NRXN3: variants seen among roughly 807,000 people sequenced by gnomAD.
NRXN3 encodes neurexin III.
A neutral mutation model predicts 137.6 loss-of-function variants in NRXN3; 32 were observed. The observed-to-expected ratio is 0.23, with a 90% CI of 0.18 to 0.31. The LOEUF (loss-of-function observed/expected upper bound fraction) is 0.31, where lower values mean the gene tolerates loss of function less well. Among genes scored for constraint, NRXN3 ranks in the 10% least tolerant of loss-of-function variants. The pLI is 1.00. For synonymous variants in NRXN3, 798 were observed against 784.5 expected (o/e 1.02, Z -0.29); for missense variants, 1,574 against 2,062.5 (o/e 0.76, Z 4.59).
At chr14:78,617,195 G>A (rs1415821659) in intron 4 of NRXN3, among the ~76,000 whole-genome samples, 1 of 152,092 alleles carries the variant, frequency 6.6e-6, no homozygotes, top group Non-Finnish European at 1.5e-5. Flanking sequence ...TGCTACAAAT[G>A]GCAGCTAACT....
chr14:79,748,896 T>C (rs1389428434), intron 19 of NRXN3, among the ~76,000 whole-genome samples: 1 of 151,712 alleles, frequency 6.6e-6, no homozygotes, highest in South Asian at 2.1e-4. Flanking sequence ...AACATTGTGA[T>C]TGTGGCAGAT....
At chr14:79,080,700 G>C (rs1002890831) in intron 15 of NRXN3, among the ~76,000 whole-genome samples, 2 of 152,284 alleles carry the variant, frequency 1.3e-5, no homozygotes, top group South Asian at 4.2e-4. Context: ...ACAAGAGCTT[G>C]ATGAATGAAA....
intron 4 of NRXN3, among the ~76,000 whole-genome samples, chr14:78,534,822 A>G (rs2096516733): frequency 6.6e-6 from 1 of 152,218 alleles, no homozygotes; most frequent in Non-Finnish European, 1.5e-5. Flanking sequence ...GCTGCTTACC[A>G]GAAACAGGTG....
In NRXN3 at chr14:79,499,956, C is replaced by CATGTGT. The variant is rs60538373; in HGVS notation, c.3444+32554_3444+32555insATGTGT. On this transcript the variant is annotated intron_variant, in intron 16 of 20. Transcript: ENST00000335750. ...GGTTTTCTGTCAGTTATCTTAGGGT[C>CATGTGT]GTGTGTGTGTGTGTGTGTGTGTGTG... Among the ~76,000 whole-genome samples the CATGTGT allele has an allele frequency of 2.6e-3, 378 of 145,232 alleles. 1 individual carries two copies. Among genetic ancestry groups the CATGTGT allele is most frequent in the East Asian group, 0.011 (52 of 4,918 alleles).
intron 4 of NRXN3, among the ~76,000 whole-genome samples, chr14:78,550,491 C>A (rs1237405084): frequency 3.3e-5 from 5 of 150,624 alleles, no homozygotes. Context: ...CAAATGACAA[C>A]TTTTTTATGA....
chr14:79,402,576 G>A (rs1397069479), intron 15 of NRXN3, among the ~76,000 whole-genome samples: 1 of 152,070 alleles, frequency 6.6e-6, no homozygotes, highest in Non-Finnish European at 1.5e-5. Flanking sequence ...TTTACACCAG[G>A]CCCAGAAGAA....
At position 79,617,917 on chromosome 14, in the gene NRXN3, C is replaced by CAAAAAAAAAAAAAAAAAAA. The variant is rs1162153685; in HGVS notation, c.3445-45846_3445-45845insAAAAAAAAAAAAAAAAAAA. ...TTCAGAGATAGGAGCTGAATAGCAGCAAAAAAAAAAAAAAACATGCTTATG... is the reference window on the plus strand; with the variant it reads ...TTCAGAGATAGGAGCTGAATAGCAGCAAAAAAAAAAAAAAAAAAAAAAAAAAAAAAAAAACATGCTTATG... On this transcript the variant is annotated intron_variant, in intron 16 of 20. Coordinates refer to ENST00000335750, the MANE Select transcript of NRXN3 (RefSeq NM_001330195.2). Among the ~76,000 whole-genome samples, 65 of 91,296 alleles carry CAAAAAAAAAAAAAAAAAAA rather than the reference C, an allele frequency of 7.1e-4. 6 individuals are homozygous for CAAAAAAAAAAAAAAAAAAA. The highest frequency in any genetic ancestry group is 2.7e-3 in the African/African-American group (47 of 17,232). 59.9% of individuals were successfully genotyped at this position (91,296 alleles called of 152,430 possible).
At chr14:79,236,981 C>T (rs949485402) in intron 15 of NRXN3, among the ~76,000 whole-genome samples, 23 of 151,922 alleles carry the variant, frequency 1.5e-4, no homozygotes, top group African/African-American at 5.3e-4. Flanking sequence ...AAGATTCTTC[C>T]TCCGTCATTT....
intron 15 of NRXN3, among the ~76,000 whole-genome samples, chr14:78,991,396 C>G (rs1219641761): frequency 6.6e-6 from 1 of 152,120 alleles, no homozygotes; most frequent in Admixed American, 6.6e-5. Flanking sequence ...ATAGCTCAAA[C>G]AAATTGTATC....
intron 10 of NRXN3, among the ~76,000 whole-genome samples, chr14:78,878,944 G>A (rs1355592745): frequency 6.6e-6 from 1 of 151,940 alleles, no homozygotes; most frequent in African/African-American, 2.4e-5. Flanking sequence ...TATAAGCGAG[G>A]TCGTGCAGTA....
chr14:78,642,189 G>A (rs930435066), intron 4 of NRXN3, among the ~76,000 whole-genome samples: 1 of 152,108 alleles, frequency 6.6e-6, no homozygotes, highest in Non-Finnish European at 1.5e-5. Flanking sequence ...TGAATATTTA[G>A]ACTAAGAAAA....
At chr14:78,569,220 C>T (rs1277587531) in intron 4 of NRXN3, among the ~76,000 whole-genome samples, 1 of 151,302 alleles carries the variant, frequency 6.6e-6, no homozygotes, top group Non-Finnish European at 1.5e-5. Flanking sequence ...CTTCCCGCCT[C>T]GGCCTCCCAA....
At chr14:78,412,925 C>A in intron 4 of NRXN3, among the ~76,000 whole-genome samples, 1 of 152,146 alleles carries the variant, frequency 6.6e-6, no homozygotes, top group South Asian at 2.1e-4. Context: ...CTCTCATTTG[C>A]TTTGCTTTGC....
At chr14:78,400,599 A>G (rs2091959058) in intron 4 of NRXN3, among the ~76,000 whole-genome samples, 1 of 152,196 alleles carries the variant, frequency 6.6e-6, no homozygotes, top group Non-Finnish European at 1.5e-5. Flanking sequence ...CAAGGTGTTT[A>G]TTGAGCACTT....
intron 15 of NRXN3, among the ~76,000 whole-genome samples, chr14:79,320,303 T>C (rs1294608308): frequency 1.3e-5 from 2 of 152,212 alleles, no homozygotes; most frequent in East Asian, 3.8e-4. Flanking sequence ...ATGCTATCAG[T>C]AGACTAAATA....
chr14:79,458,525 G>T (rs778170403), intron 15 of NRXN3, among the ~76,000 whole-genome samples: 1 of 152,140 alleles, frequency 6.6e-6, no homozygotes, highest in Non-Finnish European at 1.5e-5. Context: ...TCATTGATTA[G>T]TTCAACAGCA....
At chr14:79,859,744 T>A (rs1444826372) in intron 20 of NRXN3, among the ~76,000 whole-genome samples, 1 of 152,186 alleles carries the variant, frequency 6.6e-6, no homozygotes, top group East Asian at 1.9e-4. Flanking sequence ...GTGGTACCAG[T>A]TGACAGCTCA....
chr14:78,916,253 C>T lies in NRXN3; in HGVS notation c.2276-40989C>T, dbSNP rs77900600. ...CAAACATATGGTCAACCTAATGATA[C>T]CTGTTTTCCTGCATAAAGGGGTTAT... is the stretch of plus-strand genomic sequence containing the variant. On this transcript the variant is annotated intron_variant, in intron 10 of 20. Transcript: ENST00000335750. Among the ~76,000 whole-genome samples the T allele has an allele frequency of 2.4e-3, 358 of 152,228 alleles. 3 individuals carry two copies. In the East Asian group the frequency reaches 0.044, roughly 19 times the overall value.
intron 15 of NRXN3, among the ~76,000 whole-genome samples, chr14:79,273,994 G>A (rs1440942654): frequency 1.3e-5 from 2 of 151,776 alleles, no homozygotes; most frequent in Admixed American, 6.6e-5. Flanking sequence ...CTACTCGGGA[G>A]GCTGAAGCAG....
Sources: allele counts gnomAD v4.1 joint callset (sites outside exome capture counted in the v4.1 genomes callset), GRCh38; gene constraint gnomAD v4.1.1; transcripts MANE v1.5; gene names NCBI Gene and HGNC (gene_info 2026-07-23, HGNC 2026-07-21).